Variants in RBFOX1 observed in about 807,000 individuals in gnomAD.
RBFOX1 encodes RNA binding fox-1 homolog 1.
A neutral mutation model predicts 57.7 loss-of-function variants in RBFOX1; 8 were observed. The observed-to-expected ratio is 0.14, with a 90% CI of 0.08 to 0.25. RBFOX1 has a LOEUF of 0.25. Ranked by LOEUF, RBFOX1 falls within the 10% of genes least tolerant of loss-of-function variation. The pLI is 1.00. For missense variants in RBFOX1, 611 were observed against 548.5 expected (o/e 1.11, Z -1.14); for synonymous variants, 326 against 222.4 (o/e 1.47, Z -4.15).
chr16:5,863,350 G>T (rs1317498405), intron 3 of RBFOX1, among the ~76,000 whole-genome samples: 1 of 152,192 alleles, frequency 6.6e-6, no homozygotes, highest in African/African-American at 2.4e-5. Flanking sequence ...AGAATGGCCC[G>T]CCTCAAACAC....
At position 5,556,329 on chromosome 16, in the gene RBFOX1, G is replaced by A. The variant is rs545041857; in HGVS notation, c.259-42573G>A. Among the ~76,000 whole-genome samples the A allele has an allele frequency of 1.7e-3, 266 of 152,308 alleles. 1 individual carries two copies. Among genetic ancestry groups the A allele is most frequent in the Middle Eastern group, 0.01 (3 of 294 alleles). On this transcript the variant is annotated intron_variant, in intron 2 of 2. Transcript: ENST00000585867. Reference sequence around the variant, plus strand: ...GGTGGTATTCGTGATTGGCTCTGGTGGGGCCTTGCCTACCCTCCCCGGCAG... The same window carrying A: ...GGTGGTATTCGTGATTGGCTCTGGTAGGGCCTTGCCTACCCTCCCCGGCAG...
chr16:5,687,371 G>T (rs750747649), intron 3 of RBFOX1, among the ~76,000 whole-genome samples: 2 of 152,122 alleles, frequency 1.3e-5, no homozygotes, highest in Non-Finnish European at 2.9e-5. Flanking sequence ...ACCAATTAGT[G>T]GGTAGCCAAC....
At chr16:6,880,239 C>T (rs1470864253) in intron 3 of RBFOX1, among the ~76,000 whole-genome samples, 1 of 152,002 alleles carries the variant, frequency 6.6e-6, no homozygotes, top group Non-Finnish European at 1.5e-5. Context: ...AGCAACATGA[C>T]AAGAAGGGAA....
At chr16:6,172,125 G>A (rs753971096) in intron 1 of RBFOX1, among the ~76,000 whole-genome samples, 1 of 152,050 alleles carries the variant, frequency 6.6e-6, no homozygotes, top group Non-Finnish European at 1.5e-5. Context: ...CCAGCTAGCT[G>A]TTTTTTTATC....
intron 2 of RBFOX1, among the ~76,000 whole-genome samples, chr16:6,631,408 A>AT (rs534274929): frequency 0.012 from 1,768 of 147,836 alleles, 30 homozygotes; most frequent in Middle Eastern, 0.031. Flanking sequence ...TATGAAACAT[A>AT]TTTTTTTTTT....
chr16:7,125,499 A>T (rs943404020), intron 4 of RBFOX1, among the ~76,000 whole-genome samples: 3 of 152,186 alleles, frequency 2.0e-5, no homozygotes, highest in Non-Finnish European at 4.4e-5. Context: ...TCTAGTTTGA[A>T]GTTTGTTCCT....
rs536683835 is a variant in RBFOX1 at position 6,855,155 on chromosome 16, G to C, written c.-15-196902G>C. ...ATACTGTAAATTCCGTGAGTGTGTA[G>C]CTATACGTGTTCTGGTGAGCATGAT... On this transcript the variant is annotated intron_variant, in intron 3 of 15. Transcript: ENST00000550418. Among the ~76,000 whole-genome samples the C allele has an allele frequency of 2.0e-5, 3 of 152,174 alleles. No individual in the cohort carries two copies. The East Asian group carries it at 5.8e-4, about 30-fold the overall frequency.
At chr16:7,593,359 C>T (rs1457452044) in intron 7 of RBFOX1, among the ~76,000 whole-genome samples, 1 of 152,110 alleles carries the variant, frequency 6.6e-6, no homozygotes, top group Admixed American at 6.6e-5. Flanking sequence ...GCAAAATCCC[C>T]CTAAATTCTC....
chr16:5,697,092 A>C (rs552653259), intron 3 of RBFOX1, among the ~76,000 whole-genome samples: 2 of 152,188 alleles, frequency 1.3e-5, no homozygotes, highest in South Asian at 2.1e-4. Flanking sequence ...ATTTTGTACT[A>C]TGTGAAGGGG....
chr16:6,508,303 C>T (rs976815826), intron 2 of RBFOX1, among the ~76,000 whole-genome samples: 4 of 152,096 alleles, frequency 2.6e-5, no homozygotes, highest in African/African-American at 9.7e-5. Flanking sequence ...ATCTGTACAA[C>T]AAAACCCTAT....
At chr16:6,676,778 C>T (rs1176304259) in intron 3 of RBFOX1, among the ~76,000 whole-genome samples, 2 of 148,398 alleles carry the variant, frequency 1.3e-5, no homozygotes, top group African/African-American at 5.0e-5. Context: ...CAGGTTGAAG[C>T]ATTTCTCCTG....
chr16:5,770,230 G>A (rs770500670), intron 3 of RBFOX1, among the ~76,000 whole-genome samples: 3 of 151,350 alleles, frequency 2.0e-5, no homozygotes, highest in Non-Finnish European at 4.4e-5. Context: ...TCACAACCCC[G>A]CTGATAAAAA....
intron 2 of RBFOX1, among the ~76,000 whole-genome samples, chr16:5,569,244 G>A (rs1240726003): frequency 1.3e-5 from 2 of 151,880 alleles, no homozygotes; most frequent in Non-Finnish European, 2.9e-5. Context: ...CCAAGGGACT[G>A]ACCAACCCCG....
At position 6,775,018 on chromosome 16, in the gene RBFOX1, T is replaced by C. The variant is rs149295508; in HGVS notation, c.-16+120368T>C. ...ATTAATAATCTGTGTTCATATCTTA[T>C]ATAACATACCTAAAAATGTAGACAA... On this transcript the variant is annotated intron_variant, in intron 3 of 15. Coordinates refer to ENST00000550418, the MANE Select transcript of RBFOX1 (RefSeq NM_018723.4). 2.0e-4 allele frequency among the ~76,000 whole-genome samples: 30 copies of C among 152,090 alleles called. No homozygotes were observed. In the East Asian group the frequency reaches 5.8e-3, roughly 29 times the overall value.
intron 10 of RBFOX1, among the ~76,000 whole-genome samples, chr16:7,620,647 G>C (rs1201838467): frequency 6.6e-6 from 1 of 152,108 alleles, no homozygotes; most frequent in Non-Finnish European, 1.5e-5. Flanking sequence ...GGCAGCTTCG[G>C]AATTCTTAGA....
intron 4 of RBFOX1, among the ~76,000 whole-genome samples, chr16:5,869,046 G>C (rs909072571): frequency 6.6e-5 from 10 of 152,186 alleles, no homozygotes; most frequent in African/African-American, 2.4e-4. Flanking sequence ...TAGAAAGGCT[G>C]AGTAACTTTC....
intron 1 of RBFOX1, among the ~76,000 whole-genome samples, chr16:5,432,555 G>GTTT (rs1567502943): frequency 1.1e-4 from 8 of 75,532 alleles, no homozygotes; most frequent in Admixed American, 1.5e-4. Context: ...TTTTTTGTTT[G>GTTT]TTTGTTTTTT....
At chr16:7,157,047 C>A (rs1249138121) in intron 4 of RBFOX1, among the ~76,000 whole-genome samples, 1 of 152,188 alleles carries the variant, frequency 6.6e-6, no homozygotes, top group Non-Finnish European at 1.5e-5. Flanking sequence ...AGGAGCTCTC[C>A]TGTTTTTCCC....
chr16:5,708,189 C>T (rs986251750), intron 3 of RBFOX1, among the ~76,000 whole-genome samples: 1 of 152,160 alleles, frequency 6.6e-6, no homozygotes, highest in Non-Finnish European at 1.5e-5. Context: ...ATCTCATGAA[C>T]TTGAACTTGT....
Sources: gnomAD v4.1 joint callset for allele counts (sites outside exome capture counted in the v4.1 genomes callset) on GRCh38, gnomAD v4.1.1 for gene constraint, MANE v1.5 for transcripts, NCBI Gene and HGNC (gene_info 2026-07-23, HGNC 2026-07-21) for gene names.